ARHGEF11: variants seen among roughly 807,000 people sequenced by gnomAD.
ARHGEF11 encodes the protein Rho guanine exchange factor (GEF) 11.
Under a neutral mutation model 193.7 loss-of-function variants are expected in ARHGEF11, and 55 were observed. That is an observed-to-expected ratio of 0.28 (90% confidence interval 0.23 to 0.36). The LOEUF (loss-of-function observed/expected upper bound fraction) is 0.36, where lower values mean the gene tolerates loss of function less well. ARHGEF11 is among the 10% of genes least tolerant of loss of function. The pLI is 1.00. For synonymous variants in ARHGEF11, 693 were observed against 768.0 expected (o/e 0.90, Z 1.62); for missense variants, 1,723 against 2,005.6 (o/e 0.86, Z 2.69).
chr1:156,971,634 C>T, intron 8 of ARHGEF11, 63 bp downstream of exon 8: 1 of 1,551,840 alleles, frequency 6.4e-7, no homozygotes, highest in South Asian at 1.2e-5. Flanking sequence ...CTTGCTTTTT[C>T]CCTCACTCTA....
chr1:157,035,128 G>T (rs1010689276), intron 1 of ARHGEF11, among the ~76,000 whole-genome samples: 2 of 152,148 alleles, frequency 1.3e-5, no homozygotes, highest in African/African-American at 4.8e-5. Flanking sequence ...CTTGGGCTAG[G>T]AAGGAAAGAC....
chr1:156,953,292 A>C (rs1297810400), intron 21 of ARHGEF11, among the ~76,000 whole-genome samples: 2 of 152,200 alleles, frequency 1.3e-5, no homozygotes, highest in African/African-American at 4.8e-5. Context: ...AAAATAAATT[A>C]GCCAGGTGTG....
In ARHGEF11 at chr1:156,945,049, C is replaced by T. The variant is rs758178300; in HGVS notation, c.2961G>A (p.Arg987=). 2 of 1,614,072 alleles carry T rather than the reference C, an allele frequency of 1.2e-6. No individual in the cohort carries two copies. The highest frequency in any genetic ancestry group is 2.2e-5 in the South Asian group (2 of 91,080). The change falls in exon 30 of 41, where the codon AGG becomes AGA. Residue 987 remains arginine (R), a synonymous_variant. Coordinates refer to ENST00000368194, the MANE Select transcript of ARHGEF11 (RefSeq NM_198236.3). ...QKRLDATALE[R]ASNPLAAEFK... ...ACTCTGCTGCCAGGGGGTTGCTGGC[C>T]CTCTCCAGGGCGGTGGCATCCAGGC...
At chr1:156,989,042 G>C (rs1665348643) in intron 1 of ARHGEF11, among the ~76,000 whole-genome samples, 1 of 152,116 alleles carries the variant, frequency 6.6e-6, no homozygotes, top group Non-Finnish European at 1.5e-5. Flanking sequence ...AGATAGAAAA[G>C]ATTTTAATGG....
intron 1 of ARHGEF11, among the ~76,000 whole-genome samples, chr1:157,005,004 A>G (rs1176026443): frequency 6.6e-6 from 1 of 152,092 alleles, no homozygotes; most frequent in Non-Finnish European, 1.5e-5. Flanking sequence ...CAGAAAATCT[A>G]CCCCTCTCAC....
chr1:156,966,101 G>A (rs1007065949), intron 11 of ARHGEF11, among the ~76,000 whole-genome samples: 2 of 152,220 alleles, frequency 1.3e-5, no homozygotes, highest in Admixed American at 6.5e-5. Flanking sequence ...ACTCCAAGGT[G>A]AGAGGACAAG....
chr1:156,941,289 C>G (rs1656836620), intron 35 of ARHGEF11, 83 bp downstream of exon 35: 1 of 1,325,400 alleles, frequency 7.5e-7, no homozygotes, highest in South Asian at 1.2e-5. Context: ...ATGGACTCTC[C>G]CATCGCCCCC....
In ARHGEF11 at chr1:157,044,910, G is replaced by A. The variant is rs822572; in HGVS notation, c.-580C>T. The stretch of plus-strand genomic sequence containing the variant: ...AAATGGCACTTGGAAAAATTCTTTC[G>A]GCTGATTTGTACAGTAAAATAATAA... On this transcript the variant is annotated 5_prime_UTR_variant, in exon 1 of 41. Coordinates refer to ENST00000368194, the MANE Select transcript of ARHGEF11 (RefSeq NM_198236.3). 78,592 of 164,920 alleles carry A rather than the reference G, an allele frequency of 0.48. 19,254 individuals carry two copies. The highest frequency in any genetic ancestry group is 0.67 in the Middle Eastern group (236 of 354). 10.2% of individuals were successfully genotyped at this position (164,920 alleles called of 1,614,324 possible). A position where few individuals can be genotyped will look rare whatever the true frequency, so the allele number is the denominator to read the frequency against.
intron 1 of ARHGEF11, among the ~76,000 whole-genome samples, chr1:157,014,159 A>G (rs1184567338): frequency 6.6e-6 from 1 of 152,142 alleles, no homozygotes; most frequent in Non-Finnish European, 1.5e-5. Flanking sequence ...CTCAGCCTCC[A>G]TATTTAAAGC....
At chr1:157,012,097 A>C (rs978493638) in intron 1 of ARHGEF11, among the ~76,000 whole-genome samples, 1 of 152,250 alleles carries the variant, frequency 6.6e-6, no homozygotes, top group African/African-American at 2.4e-5. Context: ...TCAACTGATT[A>C]ACAGATAAAC....
intron 7 of ARHGEF11, among the ~76,000 whole-genome samples, chr1:156,975,692 G>T (rs1221255814): frequency 1.3e-5 from 2 of 152,172 alleles, no homozygotes; most frequent in Non-Finnish European, 1.5e-5. Flanking sequence ...TTTAAAAATA[G>T]TTTTGGCTCT....
intron 14 of ARHGEF11, among the ~76,000 whole-genome samples, 179 bp downstream of exon 14, chr1:156,961,498 T>C (rs575636627): frequency 1.5e-4 from 23 of 152,246 alleles, no homozygotes; most frequent in African/African-American, 5.3e-4. Flanking sequence ...ACAACAGAGG[T>C]ACTGTGAGAT....
At chr1:156,937,061 G>A (rs1335797895) in intron 39 of ARHGEF11, 56 bp from the exon 40 acceptor site, 1 of 1,591,016 alleles carries the variant, frequency 6.3e-7, no homozygotes. Flanking sequence ...TAAGGCCCCT[G>A]GGGAAGGGGT....
chr1:156,937,927 C>T (rs1352038964), intron 38 of ARHGEF11, among the ~76,000 whole-genome samples: 1 of 152,160 alleles, frequency 6.6e-6, no homozygotes, highest in Non-Finnish European at 1.5e-5. Flanking sequence ...ATCCATGCCA[C>T]GATCCTCTGG....
chr1:157,006,321 A>G (rs1215890562), intron 1 of ARHGEF11, among the ~76,000 whole-genome samples: 1 of 152,202 alleles, frequency 6.6e-6, no homozygotes, highest in Admixed American at 6.5e-5. Context: ...AAGTGGAGCT[A>G]TCCAAGATGG....
At chr1:156,971,879 G>C in intron 7 of ARHGEF11, 63 bp from the exon 8 acceptor site, 1 of 1,544,586 alleles carries the variant, frequency 6.5e-7, no homozygotes, top group Non-Finnish European at 8.8e-7. Context: ...AATAGAGAAT[G>C]GATGACTCAC....
chr1:157,017,185 T>C (rs1669350907), intron 1 of ARHGEF11, among the ~76,000 whole-genome samples: 1 of 152,194 alleles, frequency 6.6e-6, no homozygotes, highest in Non-Finnish European at 1.5e-5. Flanking sequence ...CCTCCAAGTA[T>C]TCCTCAGGCA....
chr1:156,963,664 G>C, intron 11 of ARHGEF11, 70 bp from the exon 12 acceptor site: 5 of 1,579,976 alleles, frequency 3.2e-6, no homozygotes, highest in Non-Finnish European at 4.3e-6. Flanking sequence ...CCTCAGTGAA[G>C]TTTGTTTAGT....
At chr1:157,033,869 G>T (rs1160979274) in intron 1 of ARHGEF11, among the ~76,000 whole-genome samples, 4 of 151,990 alleles carry the variant, frequency 2.6e-5, no homozygotes, top group Non-Finnish European at 5.9e-5. Context: ...CCTTCTTTAG[G>T]TGTCTCTCCC....
Sources: allele counts gnomAD v4.1 joint callset (sites outside exome capture counted in the v4.1 genomes callset), GRCh38; gene constraint gnomAD v4.1.1; transcripts MANE v1.5; gene names NCBI Gene and HGNC (gene_info 2026-07-23, HGNC 2026-07-21).